The following CFAP20DC variants were observed in gnomAD, a reference collection of about 807,000 sequenced individuals.
The protein encoded by CFAP20DC is CFAP20 domain containing, also known as protein CFAP20DC.
In CFAP20DC, 84 loss-of-function variants were observed where a neutral mutation model predicts 101.7. The ratio of observed to expected loss-of-function variants is 0.83; its 90% CI spans 0.69 to 0.99. The LOEUF (loss-of-function observed/expected upper bound fraction) is 0.99, where lower values mean the gene tolerates loss of function less well. Among genes scored for constraint, CFAP20DC ranks in the 50% least tolerant of loss-of-function variants. The probability of loss-of-function intolerance (pLI) is 0.00; values close to 1 mark genes in which losing one functional copy is unlikely to be tolerated. For synonymous variants in CFAP20DC, 359 were observed against 351.2 expected (o/e 1.02, Z -0.25); for missense variants, 1,007 against 970.3 (o/e 1.04, Z -0.50).
chr3:58,927,686 G>C (rs1293983772), intron 5 of CFAP20DC, among the ~76,000 whole-genome samples: 1 of 152,174 alleles, frequency 6.6e-6, no homozygotes, highest in African/African-American at 2.4e-5. Flanking sequence ...TATTCTACTA[G>C]TTCCTAAGGG....
intron 4 of CFAP20DC, among the ~76,000 whole-genome samples, chr3:58,943,291 CA>C: frequency 6.6e-6 from 1 of 152,288 alleles, no homozygotes; most frequent in East Asian, 1.9e-4. Context: ...CACCTCCCAG[CA>C]GGGGTCAATA....
chr3:58,740,731 A>G (rs916809253), downstream of CFAP20DC, among the ~76,000 whole-genome samples: 1 of 152,072 alleles, frequency 6.6e-6, no homozygotes, highest in Non-Finnish European at 1.5e-5. This position sits in a 1 kb window ranked among gnomAD's most constrained non-coding sequence, Gnocchi z 4.6. Context: ...ATTTATAACT[A>G]CAAGTCTTCA....
intron 14 of CFAP20DC, among the ~76,000 whole-genome samples, chr3:58,807,508 T>C (rs1329951903): frequency 6.6e-6 from 1 of 152,366 alleles, no homozygotes; most frequent in South Asian, 2.1e-4. Context: ...CTGAGGGTCC[T>C]GTCTGTTAGA....
chr3:59,039,411 A>C (rs75144505), intron 4 of CFAP20DC, 146 bp downstream of exon 4: 6 of 573,004 alleles, frequency 1.0e-5, no homozygotes, highest in Non-Finnish European at 1.8e-5. Context: ...TGATTAAATT[A>C]GTTTAATTAC....
intron 7 of CFAP20DC, among the ~76,000 whole-genome samples, chr3:58,873,748 A>G (rs2080484389): frequency 6.6e-6 from 1 of 151,858 alleles, no homozygotes; most frequent in African/African-American, 2.4e-5. Context: ...CAGGTGTTGA[A>G]GCAGAAGTCT....
At chr3:58,808,225 C>T (rs1441386969) in intron 14 of CFAP20DC, among the ~76,000 whole-genome samples, 1 of 152,128 alleles carries the variant, frequency 6.6e-6, no homozygotes, top group Non-Finnish European at 1.5e-5. Context: ...GCCACAAAGA[C>T]ACTCCTCCAG....
chr3:58,845,661 G>T (rs78231961), intron 13 of CFAP20DC, among the ~76,000 whole-genome samples: 22,337 of 150,892 alleles, frequency 0.15, 1,865 homozygotes, highest in Non-Finnish European at 0.19. Context: ...TAACTCATTT[G>T]ATGAGGCCAG....
In CFAP20DC at chr3:58,952,687, T is replaced by TA. The variant is rs898225675; in HGVS notation, c.279-14926dup. ...TATTCTGCTCCAGTGAGTCTTGATT[T>TA]AAAAAAAAAAGTGTGGGCGTCAGGC... On this transcript the variant is annotated intron_variant, in intron 4 of 16. Coordinates refer to ENST00000482387, the MANE Select transcript of CFAP20DC (RefSeq NM_001394063.1). Among the ~76,000 whole-genome samples the TA allele has an allele frequency of 8.3e-4, 124 of 149,288 alleles. No individual in the cohort carries two copies. The Middle Eastern group carries it at 0.01, about 12-fold the overall frequency.
At chr3:58,891,553 T>C (rs2082264625) in intron 6 of CFAP20DC, among the ~76,000 whole-genome samples, 1 of 152,242 alleles carries the variant, frequency 6.6e-6, no homozygotes, top group African/African-American at 2.4e-5. Flanking sequence ...ATTTCTCTAA[T>C]GATCAGTGAT....
intron 4 of CFAP20DC, among the ~76,000 whole-genome samples, chr3:59,009,503 C>T (rs2093529433): frequency 6.6e-6 from 1 of 151,998 alleles, no homozygotes; most frequent in Admixed American, 6.6e-5. Flanking sequence ...ATGAAAGACA[C>T]ATTTAGGGAA....
intron 4 of CFAP20DC, among the ~76,000 whole-genome samples, chr3:58,945,594 TCA>T (rs1440033474): frequency 6.6e-6 from 1 of 152,094 alleles, no homozygotes; most frequent in East Asian, 1.9e-4. Flanking sequence ...TCAAATCCTC[TCA>T]GTTATTAGCG....
chr3:58,941,010 G>A (rs113536249), intron 4 of CFAP20DC, among the ~76,000 whole-genome samples: 5 of 152,140 alleles, frequency 3.3e-5, no homozygotes, highest in African/African-American at 1.2e-4. Flanking sequence ...TTTGTCTTCT[G>A]ACACAATTGA....
At chr3:58,806,298 G>C in intron 15 of CFAP20DC, 97 bp downstream of exon 15, 2 of 809,838 alleles carry the variant, frequency 2.5e-6, no homozygotes, top group Non-Finnish European at 4.2e-6. Flanking sequence ...TTGGAAGCTA[G>C]AAGTTTTGGA....
intron 13 of CFAP20DC, among the ~76,000 whole-genome samples, chr3:58,832,470 T>C (rs1488251185): frequency 6.6e-6 from 1 of 152,204 alleles, no homozygotes; most frequent in Non-Finnish European, 1.5e-5. Context: ...AAGTAGTTTT[T>C]TTTTTAAATT....
intron 2 of CFAP20DC, among the ~76,000 whole-genome samples, chr3:59,046,890 C>T (rs1315476487): frequency 2.0e-5 from 3 of 151,880 alleles, no homozygotes; most frequent in Non-Finnish European, 4.4e-5. Context: ...ACTGAGAAGC[C>T]CAGGACTAGG....
intron 14 of CFAP20DC, among the ~76,000 whole-genome samples, chr3:58,808,778 TAA>T (rs1377837050): frequency 1.3e-5 from 2 of 152,046 alleles, no homozygotes; most frequent in East Asian, 1.9e-4. Context: ...GCAAATTGGA[TAA>T]AGAGTCAAGA....
chr3:58,778,193 T>C (rs895116756), intron 15 of CFAP20DC, among the ~76,000 whole-genome samples: 5 of 152,116 alleles, frequency 3.3e-5, no homozygotes, highest in Non-Finnish European at 4.4e-5. Context: ...ACCTGCGCAT[T>C]TTGCCAGTGG....
At chr3:58,817,996 A>G (rs1338195031) in intron 14 of CFAP20DC, among the ~76,000 whole-genome samples, 1 of 150,928 alleles carries the variant, frequency 6.6e-6, no homozygotes, top group Admixed American at 6.6e-5. Context: ...CAACATTCTT[A>G]AAGAAAAGAA....
Position 58,917,529 on chromosome 3 carries a change from G to A in CFAP20DC, c.394-3665C>T, listed in dbSNP as rs116799538. Reference sequence around the variant, plus strand: ...AATTTCATACCCTGGCAATCCTAAAGTACATCTCTTCCCAGAGTTTTAGAA... The same window carrying A: ...AATTTCATACCCTGGCAATCCTAAAATACATCTCTTCCCAGAGTTTTAGAA... On this transcript the variant is annotated intron_variant, in intron 5 of 16. Coordinates refer to ENST00000482387, the MANE Select transcript of CFAP20DC (RefSeq NM_001394063.1). 5.6e-3 allele frequency among the ~76,000 whole-genome samples: 846 copies of A among 152,218 alleles called. 4 individuals are homozygous for A. Among genetic ancestry groups the A allele is most frequent in the African/African-American group, 0.02 (815 of 41,548 alleles).
Sources: gnomAD v4.1 joint callset for allele counts (sites outside exome capture counted in the v4.1 genomes callset) on GRCh38, gnomAD v4.1.1 for gene constraint, Gnocchi (gnomAD v3.1) non-coding constraint, MANE v1.5 for transcripts, NCBI Gene and HGNC (gene_info 2026-07-23, HGNC 2026-07-21) for gene names.